TRDMT1: variants seen among roughly 807,000 people sequenced by gnomAD.
TRDMT1 encodes the protein tRNA aspartic acid methyltransferase 1.
Under a neutral mutation model 51.2 loss-of-function variants are expected in TRDMT1, and 49 were observed. The observed-to-expected ratio is 0.96, with a 90% CI of 0.76 to 1.21. TRDMT1 has a LOEUF of 1.21. TRDMT1 is among the 50% of genes most tolerant of loss of function. TRDMT1 has a pLI of 0.00. For synonymous variants in TRDMT1, 187 were observed against 164.6 expected (o/e 1.14, Z -1.04); for missense variants, 534 against 462.3 (o/e 1.16, Z -1.42).
rs1361109297 is a variant in TRDMT1 at position 17,201,630 on chromosome 10, T to C, written c.5A>G (p.Glu2Gly). The change falls in exon 1 of 11, where the codon GAG becomes GGG. Residue 2 changes from glutamate (E) to glycine (G), a missense_variant. Physicochemically the swap from Glu to Gly is moderately conservative, Grantham distance 98. Transcript: ENST00000377799. ...GTATAGCTCCAGCACCCGCAGGGGC[T>C]CCATCCCCGCGCCTCAGCCGCCGCA... is the stretch of plus-strand genomic sequence containing the variant. MEPLRVLELYSG... is the reference protein window; with the variant it reads MGPLRVLELYSG... 1.3e-6 allele frequency: 2 copies of C among 1,543,354 alleles called. No individual in the cohort carries two copies. Among genetic ancestry groups the C allele is most frequent in the Admixed American group, 2.0e-5 (1 of 50,562 alleles).
Position 17,201,568 on chromosome 10 carries a change from C to G in TRDMT1, c.64+3G>C, listed in dbSNP as rs902156550. ...GAGAGAGGGGTGCTAGATGGACTCT[C>G]ACCTCTCAGCGCGTGGTGCATGCCG... On this transcript the variant is annotated splice_donor_region_variant and intron_variant, in intron 1 of 10. Coordinates refer to ENST00000377799, the MANE Select transcript of TRDMT1 (RefSeq NM_004412.7). 1 of 1,549,760 alleles carries G rather than the reference C, an allele frequency of 6.5e-7. No homozygotes were observed. Among genetic ancestry groups the G allele is most frequent in the African/African-American group, 1.4e-5 (1 of 72,980 alleles).
chr10:17,160,023 C>A (rs1448067161), intron 6 of TRDMT1, among the ~76,000 whole-genome samples: 1 of 152,000 alleles, frequency 6.6e-6, no homozygotes, highest in Non-Finnish European at 1.5e-5. Flanking sequence ...TTTGGAAATA[C>A]CAAACTTGAC....
intron 10 of TRDMT1, among the ~76,000 whole-genome samples, chr10:17,149,658 G>A (rs76832743): frequency 1.8e-3 from 267 of 151,888 alleles, no homozygotes; most frequent in African/African-American, 5.7e-3. Flanking sequence ...ACTACCTCCC[G>A]GCCCCCAACC....
chr10:17,200,877 C>T (rs754733467), intron 1 of TRDMT1, among the ~76,000 whole-genome samples: 8 of 152,148 alleles, frequency 5.3e-5, no homozygotes, highest in Non-Finnish European at 7.3e-5. Flanking sequence ...CACTAACAAG[C>T]ACTTGACAGA....
chr10:17,161,487 T>C lies in TRDMT1; in HGVS notation c.385A>G (p.Thr129Ala). The change falls in exon 5 of 11, where the codon ACA (threonine) becomes GCA (alanine). Residue 129 changes from threonine to alanine, a missense_variant. By Grantham distance (58) the Thr-to-Ala change is moderately conservative. Coordinates refer to ENST00000377799, the MANE Select transcript of TRDMT1 (RefSeq NM_004412.7). The stretch of plus-strand genomic sequence containing the variant: ...AAGACAAATACATTTTTTTACCTTG[T>C]AGAAGATACTTCAAAACCTTTAACA... Reference protein sequence around the residue: ...ENVKGFEVSSTRDLLIQTIEN... With the variant: ...ENVKGFEVSSARDLLIQTIEN... The C allele has an allele frequency of 7.3e-7, 1 of 1,372,926 alleles. No individual in the cohort carries two copies. The highest frequency in any genetic ancestry group is 9.8e-7 in the Non-Finnish European group (1 of 1,017,100). The allele number at this position is 1,372,926 out of a possible 1,614,324, so 85.0% of individuals were successfully genotyped here. A position where few individuals can be genotyped will look rare whatever the true frequency, so the allele number is the denominator to read the frequency against.
intron 1 of TRDMT1, among the ~76,000 whole-genome samples, chr10:17,183,092 G>A (rs11254436): frequency 6.7e-4 from 102 of 152,272 alleles, no homozygotes; most frequent in African/African-American, 2.4e-3. Context: ...AAGGAAAATT[G>A]TAAACAAGTA....
intron 3 of TRDMT1, among the ~76,000 whole-genome samples, chr10:17,164,136 C>T (rs1292597856): frequency 3.9e-5 from 6 of 152,090 alleles, no homozygotes; most frequent in African/African-American, 1.2e-4. Context: ...ACTGGCAAAC[C>T]GAATCCAGCA....
chr10:17,174,743 T>TC, intron 1 of TRDMT1, 83 bp from the exon 2 acceptor site: 1 of 1,053,802 alleles, frequency 9.5e-7, no homozygotes, highest in Non-Finnish European at 1.4e-6. Flanking sequence ...AATTTAGTAA[T>TC]CCATTTCCTT....
intron 1 of TRDMT1, 58 bp downstream of exon 1, chr10:17,201,513 G>C: frequency 6.6e-7 from 1 of 1,511,012 alleles, no homozygotes; most frequent in Non-Finnish European, 8.9e-7. Context: ...TCCCGGCGCG[G>C]GTGCTCCAAC....
chr10:17,148,463 T>C lies in TRDMT1; in HGVS notation c.*577A>G, dbSNP rs1278736724. 1.1e-5 allele frequency: 11 copies of C among 985,458 alleles called. No individual in the cohort carries two copies. Among genetic ancestry groups the C allele is most frequent in the Non-Finnish European group, 1.3e-5 (11 of 829,932 alleles). 61.0% of individuals were successfully genotyped at this position (985,458 alleles called of 1,614,324 possible). ...ACCAACAGTTTCTGTGGCCGCTTCA[T>C]GGAGAGGTAATCAAACATTTAGGAT... On this transcript the variant is annotated 3_prime_UTR_variant, in exon 11 of 11. Coordinates refer to ENST00000377799, the MANE Select transcript of TRDMT1 (RefSeq NM_004412.7).
rs1304735052 is a variant in TRDMT1, at chr10:17,153,497, T to C, written c.1075+10A>G. 3.1e-6 allele frequency: 5 copies of C among 1,613,616 alleles called. No individual in the cohort carries two copies. The Admixed American group carries it at 8.3e-5, about 27-fold the overall frequency. ...ACATGAAAGCTGAATTCTGCACGTATCCCACATACCGAACTCTGGAGGAAA... is the reference window on the plus strand; with the variant it reads ...ACATGAAAGCTGAATTCTGCACGTACCCCACATACCGAACTCTGGAGGAAA... On this transcript the variant is annotated intron_variant, in intron 10 of 10. Transcript: ENST00000377799.
Position 17,143,762 on chromosome 10 carries a change from C to A in TRDMT1, c.*5278G>T. 1 of 985,288 alleles carries A rather than the reference C, an allele frequency of 1.0e-6. No homozygotes were observed. 61.0% of individuals were successfully genotyped at this position (985,288 alleles called of 1,614,324 possible). On this transcript the variant is annotated 3_prime_UTR_variant, in exon 11 of 11. Coordinates refer to ENST00000377799, the MANE Select transcript of TRDMT1 (RefSeq NM_004412.7). ...GAAGGCCATTTTAACAGAAGCTGAC[C>A]AATGGAATGCAGAGTGAGAAGGAAG...
intron 1 of TRDMT1, among the ~76,000 whole-genome samples, chr10:17,181,485 G>A (rs965515668): frequency 8.5e-5 from 13 of 152,108 alleles, no homozygotes; most frequent in African/African-American, 2.9e-4. Context: ...CTCAATAAAC[G>A]TCTATTAATT....
chr10:17,201,507 G>A, intron 1 of TRDMT1, 64 bp downstream of exon 1: 3 of 1,393,810 alleles, frequency 2.2e-6, no homozygotes, highest in African/African-American at 1.5e-5. Flanking sequence ...GCCCCTTCCC[G>A]GCGCGGGTGC....
intron 10 of TRDMT1, chr10:17,152,088 C>A: frequency 7.7e-7 from 1 of 1,299,878 alleles, no homozygotes; most frequent in Non-Finnish European, 1.0e-6. Context: ...AAGAGTATGT[C>A]TGATTGCTCA....
intron 1 of TRDMT1, among the ~76,000 whole-genome samples, chr10:17,198,135 A>G (rs67505314): frequency 0.29 from 44,419 of 152,040 alleles, 6,716 homozygotes; most frequent in Middle Eastern, 0.39. Context: ...ATCCATCAGA[A>G]TGGCTATTAT....
At chr10:17,153,766 A>C in intron 9 of TRDMT1, 130 bp from the exon 10 acceptor site, 6 of 873,024 alleles carry the variant, frequency 6.9e-6, no homozygotes, top group Non-Finnish European at 1.0e-5. Flanking sequence ...TGCACAGGGC[A>C]AAATGGCTCT....
chr10:17,193,128 T>C (rs1174667832), intron 1 of TRDMT1, among the ~76,000 whole-genome samples: 2 of 151,528 alleles, frequency 1.3e-5, no homozygotes, highest in Non-Finnish European at 2.9e-5. Context: ...CTTTGGGAGG[T>C]TGGGGTGGGC....
chr10:17,187,739 T>C (rs1394910346), intron 1 of TRDMT1, among the ~76,000 whole-genome samples: 3 of 152,194 alleles, frequency 2.0e-5, no homozygotes, highest in African/African-American at 7.2e-5. Flanking sequence ...CAAGTTTTGG[T>C]ACTGAGAACA....
Sources: allele counts gnomAD v4.1 joint callset (sites outside exome capture counted in the v4.1 genomes callset), GRCh38; gene constraint gnomAD v4.1.1; transcripts MANE v1.5; gene names NCBI Gene and HGNC (gene_info 2026-07-23, HGNC 2026-07-21).